The following FNBP1L variants were observed in gnomAD, a reference collection of about 807,000 sequenced individuals.
The protein encoded by FNBP1L is formin binding protein 1 like.
In FNBP1L, 36 loss-of-function variants were observed where a neutral mutation model predicts 91.2. The ratio of observed to expected loss-of-function variants is 0.39; its 90% confidence interval spans 0.30 to 0.52. The LOEUF (loss-of-function observed/expected upper bound fraction) is 0.52. FNBP1L is among the 20% of genes least tolerant of loss of function. FNBP1L has a pLI of 0.66. For synonymous variants in FNBP1L, 242 were observed against 237.0 expected (o/e 1.02, Z -0.19); for missense variants, 571 against 732.1 (o/e 0.78, Z 2.54).
At chr1:93,483,806 A>C (rs1443223431) in intron 1 of FNBP1L, among the ~76,000 whole-genome samples, 1 of 152,232 alleles carries the variant, frequency 6.6e-6, no homozygotes, top group Non-Finnish European at 1.5e-5. Flanking sequence ...TGCTTTCCAA[A>C]TAATAAATAG....
Position 93,552,633 on chromosome 1 carries a change from T to G in FNBP1L, c.*217T>G, listed in dbSNP as rs1310766658. Reference sequence around the variant, plus strand: ...CCCTTAAGTTCCTAGTTCACAGTTATTCCCACAAAAGAAAAAGCCAACAAT... The same window carrying G: ...CCCTTAAGTTCCTAGTTCACAGTTAGTCCCACAAAAGAAAAAGCCAACAAT... On this transcript the variant is annotated 3_prime_UTR_variant, in exon 17 of 17. Coordinates refer to ENST00000271234, the MANE Select transcript of FNBP1L (RefSeq NM_001164473.3). The G allele has an allele frequency of 4.6e-6, 2 of 436,114 alleles. No homozygotes were observed. 27.0% of individuals were successfully genotyped at this position (436,114 alleles called of 1,614,324 possible).
chr1:93,518,714 A>G (rs1342878027), intron 2 of FNBP1L, among the ~76,000 whole-genome samples: 6 of 152,238 alleles, frequency 3.9e-5, no homozygotes, highest in African/African-American at 9.6e-5. Flanking sequence ...TTATTGAGGT[A>G]TAATTCATAT....
At chr1:93,469,741 C>T (rs377305283) in intron 1 of FNBP1L, among the ~76,000 whole-genome samples, 1 of 152,006 alleles carries the variant, frequency 6.6e-6, no homozygotes, top group Non-Finnish European at 1.5e-5. Flanking sequence ...GAGGCTGAGG[C>T]GGGAGGATCA....
chr1:93,521,416 ATTTCTTTGAAATG>A (rs1267574277), intron 2 of FNBP1L, among the ~76,000 whole-genome samples: 1 of 152,090 alleles, frequency 6.6e-6, no homozygotes, highest in Non-Finnish European at 1.5e-5. Flanking sequence ...AAGCGATGGT[ATTTCTTTGAAATG>A]TTTCTTTTTG....
chr1:93,510,058 C>T (rs1332277617), intron 2 of FNBP1L, among the ~76,000 whole-genome samples: 1 of 152,192 alleles, frequency 6.6e-6, no homozygotes, highest in Non-Finnish European at 1.5e-5. Flanking sequence ...ATTGCCCAGG[C>T]TTGCTTAGGT....
At chr1:93,462,750 T>G (rs1295235519) in intron 1 of FNBP1L, among the ~76,000 whole-genome samples, 1 of 152,162 alleles carries the variant, frequency 6.6e-6, no homozygotes, top group East Asian at 1.9e-4. Context: ...CCACAGGATT[T>G]TATCACTTTT....
chr1:93,534,704 G>C lies in FNBP1L; in HGVS notation c.787-1G>C. On this transcript the variant is annotated splice_acceptor_variant, in intron 8 of 16. Transcript: ENST00000271234. LOFTEE classifies it high-confidence loss of function. ...TTTAAAACCTAGTTTCTTTTGTATAGGACTCTCAAATGGTGGTAGACTCCT... is the reference window on the plus strand; with the variant it reads ...TTTAAAACCTAGTTTCTTTTGTATACGACTCTCAAATGGTGGTAGACTCCT... 6.4e-7 allele frequency: 1 copy of C among 1,559,392 alleles called. No individual in the cohort carries two copies. The highest frequency in any genetic ancestry group is 8.7e-7 in the Non-Finnish European group (1 of 1,149,454).
chr1:93,490,118 A>G (rs1007642196), intron 1 of FNBP1L, among the ~76,000 whole-genome samples: 3 of 152,222 alleles, frequency 2.0e-5, no homozygotes, highest in African/African-American at 7.2e-5. Context: ...TAATTGGGAA[A>G]ACAAGGATTG....
chr1:93,512,851 C>G (rs1238904328), intron 2 of FNBP1L, among the ~76,000 whole-genome samples: 1 of 151,888 alleles, frequency 6.6e-6, no homozygotes, highest in African/African-American at 2.4e-5. Flanking sequence ...TCTAACATCA[C>G]AATTAAAAGA....
intron 10 of FNBP1L, among the ~76,000 whole-genome samples, chr1:93,538,818 G>A (rs1247253483): frequency 2.0e-5 from 3 of 151,956 alleles, no homozygotes; most frequent in African/African-American, 4.8e-5. Flanking sequence ...GCTGCACATT[G>A]CTTTTCCTAA....
rs1374222625 is a variant in FNBP1L, at chr1:93,553,263, AAGTC to A, written c.*850_*853del. The A allele has an allele frequency of 2.0e-5, 3 of 152,668 alleles. No homozygotes were observed. Among genetic ancestry groups the A allele is most frequent in the Non-Finnish European group, 1.5e-5 (1 of 68,044 alleles). 9.5% of individuals were successfully genotyped at this position (152,668 alleles called of 1,614,324 possible). ...CCTCAAGACAAAGGACTATTGTCAA[AAGTC>A]AGCTGCTTCCATTCAAATGCTGCCT... On this transcript the variant is annotated 3_prime_UTR_variant, in exon 17 of 17. Transcript: ENST00000271234.
Position 93,534,746 on chromosome 1 carries a change from A to T in FNBP1L, c.828A>T (p.Glu276Asp). 1 of 1,572,328 alleles carries T rather than the reference A, an allele frequency of 6.4e-7. No individual in the cohort carries two copies. The highest frequency in any genetic ancestry group is 1.2e-5 in the South Asian group (1 of 85,764). ...TAGACTCCTTCAAATCTGGTTTTGA[A>T]CCTCCAGGAGACTTTCCATTTGAAG... ...MVVDSFKSGFEPPGDFPFEDY... is the reference protein window; with the variant it reads ...MVVDSFKSGFDPPGDFPFEDY... Residue 276 changes from glutamate (E) to aspartate (D), a missense_variant, in exon 9 of 17, where the codon GAA becomes GAT. This residue lies in a region of FNBP1L where 8 missense variants were observed against 24.9 expected (regional missense o/e 0.32). Transcript: ENST00000271234.
At chr1:93,504,661 A>T (rs372332048) in intron 2 of FNBP1L, among the ~76,000 whole-genome samples, 8 of 152,196 alleles carry the variant, frequency 5.3e-5, no homozygotes, top group African/African-American at 1.7e-4. Flanking sequence ...GTTGTTTTGC[A>T]AGTAGCCACC....
At chr1:93,524,230 T>A in intron 4 of FNBP1L, 31 bp from the exon 5 acceptor site, 1 of 1,434,996 alleles carries the variant, frequency 7.0e-7, no homozygotes, top group East Asian at 2.7e-5. Flanking sequence ...TTTTTATTTT[T>A]ATTTTTTTTG....
At chr1:93,530,669 A>G in intron 6 of FNBP1L, 86 bp from the exon 7 acceptor site, 1 of 1,454,780 alleles carries the variant, frequency 6.9e-7, no homozygotes, top group Non-Finnish European at 9.3e-7. Flanking sequence ...TTCTTCATTG[A>G]TAAAATCTAG....
intron 2 of FNBP1L, among the ~76,000 whole-genome samples, chr1:93,515,466 G>A (rs1330772051): frequency 1.3e-5 from 2 of 152,000 alleles, no homozygotes; most frequent in African/African-American, 2.4e-5. Context: ...ACATGCACAC[G>A]TATATTTATT....
chr1:93,539,815 T>C (rs981489081), intron 10 of FNBP1L, among the ~76,000 whole-genome samples: 3 of 152,152 alleles, frequency 2.0e-5, no homozygotes, highest in African/African-American at 7.2e-5. Flanking sequence ...ATGTTAAGCT[T>C]AATTTGGAAC....
At chr1:93,512,492 C>G (rs1460968361) in intron 2 of FNBP1L, among the ~76,000 whole-genome samples, 16 of 152,024 alleles carry the variant, frequency 1.1e-4, no homozygotes, top group African/African-American at 3.6e-4. Context: ...CCACACCACA[C>G]CTATTCCAAA....
intron 7 of FNBP1L, among the ~76,000 whole-genome samples, chr1:93,532,469 CAAAAAA>C (rs35188106): frequency 1.6e-5 from 1 of 62,610 alleles, no homozygotes; most frequent in Admixed American, 2.4e-4. Context: ...GACTCCGCCT[CAAAAAA>C]AAAAAAAAAA....
Sources: gnomAD v4.1 joint callset for allele counts (sites outside exome capture counted in the v4.1 genomes callset) on GRCh38, gnomAD v4.1.1 for gene constraint, gnomAD v4.1.1 regional missense constraint, MANE v1.5 for transcripts, NCBI Gene and HGNC (gene_info 2026-07-23, HGNC 2026-07-21) for gene names.